The following TRPM5 variants were observed in gnomAD, a reference collection of about 807,000 sequenced individuals.
The protein encoded by TRPM5 is MLSN1 and TRP-related.
TRPM5 carries 121 observed loss-of-function variants against 124.9 expected under a neutral mutation model. The observed-to-expected ratio is 0.97, with a 90% CI of 0.84 to 1.13. The LOEUF (loss-of-function observed/expected upper bound fraction) is 1.13. TRPM5 is among the 50% of genes most tolerant of loss of function. TRPM5 has a pLI of 0.00. For synonymous variants in TRPM5, 781 were observed against 700.5 expected (o/e 1.11, Z -1.81); for missense variants, 1,643 against 1,589.1 (o/e 1.03, Z -0.58).
At chr11:2,421,603 C>T (rs1229155739) in intron 2 of TRPM5, among the ~76,000 whole-genome samples, 1 of 152,220 alleles carries the variant, frequency 6.6e-6, no homozygotes, top group African/African-American at 2.4e-5. Flanking sequence ...TTTGGGTTTG[C>T]CACAGTCATT....
In TRPM5 at chr11:2,412,739, A is replaced by G; in HGVS notation, c.2355+15T>C. On this transcript the variant is annotated intron_variant, in intron 15 of 23. Coordinates refer to ENST00000155858, the Ensembl canonical transcript of TRPM5. ...CTGCAGAGTGGAGGGGACCTAGGCT[A>G]GTGTGGCCACCGACCTGCCGGATTT... 1.3e-6 allele frequency: 2 copies of G among 1,578,192 alleles called. No homozygotes were observed. The highest frequency in any genetic ancestry group is 1.2e-5 in the South Asian group (1 of 84,934).
the TRPM5 span, among the ~76,000 whole-genome samples, chr11:2,442,627 G>A: frequency 6.6e-6 from 1 of 152,254 alleles, no homozygotes; most frequent in Middle Eastern, 3.4e-3. The surrounding 1 kb of genome is among the most constrained non-coding windows in gnomAD (Gnocchi z 5.9). Context: ...TTATTTCCTA[G>A]AAGTGGGGTT....
exon 20 of TRPM5, chr11:2,407,205 G>T (rs747674181): frequency 6.2e-7 from 1 of 1,611,148 alleles, no homozygotes; most frequent in African/African-American, 1.3e-5. Flanking sequence ...GAAGGGCGGG[G>T]CCAGGGCGGG....
In TRPM5 at chr11:2,417,712, C is replaced by T; in HGVS notation, c.1009+15G>A. On this transcript the variant is annotated intron_variant, in intron 7 of 23. Transcript: ENST00000155858. ...CCCCAATGGCGCCTGCCTTGCCCAC[C>T]CTGCCCGCCCTCACCTTTCACCAGC... is the stretch of plus-strand genomic sequence containing the variant. The T allele has an allele frequency of 6.9e-7, 1 of 1,443,486 alleles. No homozygotes were observed. Among genetic ancestry groups the T allele is most frequent in the Non-Finnish European group, 9.6e-7 (1 of 1,045,946 alleles). 89.4% of individuals were successfully genotyped at this position (1,443,486 alleles called of 1,614,324 possible). A position where few individuals can be genotyped will look rare whatever the true frequency, so the allele number is the denominator to read the frequency against.
In TRPM5 at chr11:2,407,311, A is replaced by G. The variant is rs1023748956; in HGVS notation, c.2937-11T>C. ...ACCTGGAACGTGTAGCTGCAGGGGCACAGCTGAGCCGTCACCTACCGGCTC... is the reference window on the plus strand; with the variant it reads ...ACCTGGAACGTGTAGCTGCAGGGGCGCAGCTGAGCCGTCACCTACCGGCTC... On this transcript the variant is annotated splice_polypyrimidine_tract_variant and intron_variant, in intron 19 of 23. Transcript: ENST00000155858. 1 of 1,603,022 alleles carries G rather than the reference A, an allele frequency of 6.2e-7. No homozygotes were observed. Among genetic ancestry groups the G allele is most frequent in the Non-Finnish European group, 8.5e-7 (1 of 1,176,682 alleles).
rs567757237 is a variant in TRPM5, at chr11:2,410,689, A to T, written c.2782+663T>A. ...CCCCTCCCCACTGCACTGGCTTATG[A>T]AAAAGTTTCCAGAGCCTCCACCAGC... On this transcript the variant is annotated intron_variant, in intron 18 of 23. Coordinates refer to ENST00000155858, the Ensembl canonical transcript of TRPM5. 130 of 455,326 alleles carry T rather than the reference A, an allele frequency of 2.9e-4. 3 individuals are homozygous for T. Among genetic ancestry groups the T allele is most frequent in the South Asian group, 1.9e-3 (124 of 64,502 alleles). The allele number at this position is 455,326 out of a possible 1,614,324, so 28.2% of individuals were successfully genotyped here. A position where few individuals can be genotyped will look rare whatever the true frequency, so the allele number is the denominator to read the frequency against.
At chr11:2,413,909 C>T in intron 12 of TRPM5, 152 bp downstream of exon 17, 2 of 1,127,160 alleles carry the variant, frequency 1.8e-6, no homozygotes, top group Non-Finnish European at 2.5e-6. Flanking sequence ...CAGGTGGGCG[C>T]CTTCCAGGAA....
At chr11:2,430,113 C>T in the TRPM5 span, among the ~76,000 whole-genome samples, 1 of 152,130 alleles carries the variant, frequency 6.6e-6, no homozygotes, top group Admixed American at 6.5e-5. Flanking sequence ...CATGTTCCTC[C>T]CCGCCTACAA....
rs976646289 is a variant in TRPM5 at position 2,421,075 on chromosome 11, G to A, written c.422C>T (p.Ser141Leu). ...GCGGCGGTGCAGGACGCGGCCCAGC[G>A]AGGCCATGCCGACAGCAACCACACG... The change falls in exon 3 of 24, where the codon TCG (serine) becomes TTG (leucine). Residue 141 changes from serine (S) to leucine (L), a missense_variant. By Grantham distance (145) the Ser-to-Leu change is moderately radical. Transcript: ENST00000155858. 7.1e-6 allele frequency: 11 copies of A among 1,549,658 alleles called. No individual in the cohort carries two copies. The South Asian group carries it at 7.1e-5, about 10-fold the overall frequency.
At chr11:2,405,685 C>A (rs1242740539) in intron 22 of TRPM5, 92 bp from the exon 28 acceptor site, 4 of 1,360,326 alleles carry the variant, frequency 2.9e-6, no homozygotes, top group Middle Eastern at 1.8e-4. Flanking sequence ...CCTGCCAGGG[C>A]CCCCGCTGCC....
chr11:2,433,571 T>C, the TRPM5 span, among the ~76,000 whole-genome samples: 1 of 152,298 alleles, frequency 6.6e-6, no homozygotes, highest in African/African-American at 2.4e-5. Context: ...AAGGCTGCAG[T>C]AGGACTTTCA....
chr11:2,420,964 G>A, intron 3 of TRPM5, 68 bp downstream of exon 8: 1 of 1,461,470 alleles, frequency 6.8e-7, no homozygotes. Flanking sequence ...TCTGCCCGCT[G>A]CCCAAACCCT....
the TRPM5 span, among the ~76,000 whole-genome samples, chr11:2,442,480 C>T: frequency 5.9e-5 from 9 of 151,882 alleles, no homozygotes; most frequent in African/African-American, 1.7e-4. The surrounding 1 kb of genome is among the most constrained non-coding windows in gnomAD (Gnocchi z 5.9). Flanking sequence ...GGCACTCCAT[C>T]GTGTGACTGT....
At chr11:2,407,006 A>T (rs1409988039) in intron 20 of TRPM5, 113 bp downstream of exon 25, 1 of 1,365,594 alleles carries the variant, frequency 7.3e-7, no homozygotes, top group African/African-American at 1.5e-5. Context: ...CTGAGGACCC[A>T]CAGGGCTGAG....
rs755608926 is a variant in TRPM5 at position 2,414,699 on chromosome 11, G to T, written c.1744+16C>A. 5.8e-5 allele frequency: 88 copies of T among 1,527,456 alleles called. No individual in the cohort carries two copies. In the African/African-American group the frequency reaches 1.1e-3, roughly 20 times the overall value. The allele number at this position is 1,527,456 out of a possible 1,614,324, so 94.6% of individuals were successfully genotyped here. A position where few individuals can be genotyped will look rare whatever the true frequency, so the allele number is the denominator to read the frequency against. ...TCCCCCGCGCGCGGGCCCGGCCCCA[G>T]CCGCCGGTCACTCACCAAGGGCCAG... On this transcript the variant is annotated intron_variant, in intron 11 of 23. Transcript: ENST00000155858.
chr11:2,406,915 G>A (rs1307198640), intron 20 of TRPM5, 122 bp from the exon 26 acceptor site: 1 of 1,441,140 alleles, frequency 6.9e-7, no homozygotes, highest in Non-Finnish European at 9.3e-7. Flanking sequence ...AGCCAGGGAT[G>A]GAGGGCAAGC....
At chr11:2,430,173 G>A in the TRPM5 span, among the ~76,000 whole-genome samples, 1 of 152,114 alleles carries the variant, frequency 6.6e-6, no homozygotes, top group Non-Finnish European at 1.5e-5. Flanking sequence ...AGAAGCCTTG[G>A]AGCCTTGGCT....
the TRPM5 span, among the ~76,000 whole-genome samples, chr11:2,443,753 C>CTTTA: frequency 3.3e-5 from 5 of 152,146 alleles, no homozygotes; most frequent in Non-Finnish European, 5.9e-5. The surrounding 1 kb of genome is among the most constrained non-coding windows in gnomAD (Gnocchi z 5.0). Context: ...TGAGCTCCAC[C>CTTTA]TTTAGTCCCT....
the TRPM5 span, among the ~76,000 whole-genome samples, chr11:2,434,454 T>C: frequency 2.0e-5 from 3 of 151,486 alleles, no homozygotes; most frequent in Non-Finnish European, 4.4e-5. Flanking sequence ...TGTGTGTGTG[T>C]GTGTGGACAC....
Sources: gnomAD v4.1 joint callset for allele counts (sites outside exome capture counted in the v4.1 genomes callset) on GRCh38, gnomAD v4.1.1 for gene constraint, Gnocchi (gnomAD v3.1) non-coding constraint, MANE v1.5 for transcripts, NCBI Gene and HGNC (gene_info 2026-07-23, HGNC 2026-07-21) for gene names.